The following CD22 variants were observed in gnomAD, a reference collection of about 807,000 sequenced individuals.
The protein encoded by CD22 is B-cell receptor CD22.
CD22 carries 51 observed loss-of-function variants against 94.7 expected under a neutral mutation model. The ratio of observed to expected loss-of-function variants is 0.54; its 90% CI spans 0.43 to 0.68. CD22 has a LOEUF of 0.68. Among genes scored for constraint, CD22 ranks in the 30% least tolerant of loss-of-function variants. The probability of loss-of-function intolerance (pLI) is 0.00; values close to 1 mark genes in which losing one functional copy is unlikely to be tolerated. For missense variants in CD22, 931 were observed against 1,060.4 expected (o/e 0.88, Z 1.69); for synonymous variants, 424 against 422.5 (o/e 1.00, Z -0.04).
rs528883783 is a variant in CD22 at position 35,341,636 on chromosome 19, G to A, written c.1771+30G>A. On this transcript the variant is annotated intron_variant, in intron 8 of 13. Transcript: ENST00000085219. The surrounding 1 kb of genome is among the most constrained non-coding windows in gnomAD (Gnocchi z 4.0). ...GTGAGGGCCGGAGGCTGGGAGTGGA[G>A]CAGAGAAGGGACCAGTGGCCTGCCT... 1.9e-6 allele frequency: 3 copies of A among 1,607,654 alleles called. No homozygotes were observed. Among genetic ancestry groups the A allele is most frequent in the Non-Finnish European group, 8.5e-7 (1 of 1,175,554 alleles).
intron 9 of CD22, among the ~76,000 whole-genome samples, chr19:35,343,012 G>A (rs1019707742): frequency 9.2e-5 from 14 of 151,672 alleles, no homozygotes; most frequent in Admixed American, 3.9e-4. Context: ...TGGTTTCACC[G>A]TGGTCTCAGT....
intron 6 of CD22, 23 bp downstream of exon 6, chr19:35,338,454 G>T (rs1160391066): frequency 6.3e-7 from 1 of 1,599,340 alleles, no homozygotes; most frequent in South Asian, 1.1e-5. Flanking sequence ...GGAGCCTCTG[G>T]TTCTAGGGAG....
chr19:35,345,643 A>T lies in CD22; in HGVS notation c.2250A>T (p.Gly750=). Residue 750 remains glycine, a synonymous_variant, in exon 12 of 14, where the codon GGA becomes GGT. Transcript: ENST00000085219. The part of the protein sequence containing the change: ...APLSEGPHSL[G]CYNPMMEDGI... ...TCTCTGAAGGCCCCCACTCCCTGGG[A>T]TGCTACAATCCAATGATGGAAGATG... 6.2e-7 allele frequency: 1 copy of T among 1,613,692 alleles called. No homozygotes were observed. Among genetic ancestry groups the T allele is most frequent in the Non-Finnish European group, 8.5e-7 (1 of 1,179,742 alleles).
chr19:35,343,996 C>T (rs1384632621), intron 9 of CD22, among the ~76,000 whole-genome samples: 1 of 152,076 alleles, frequency 6.6e-6, no homozygotes, highest in Non-Finnish European at 1.5e-5. Flanking sequence ...CCAGGAGTTC[C>T]AGACCAGCCT....
intron 2 of CD22, 44 bp from the exon 3 acceptor site, chr19:35,332,503 G>C (rs2066659160): frequency 6.6e-7 from 1 of 1,504,802 alleles, no homozygotes; most frequent in Admixed American, 2.3e-5. Context: ...TTAAAAGAAG[G>C]CTCTCATGCC....
Position 35,344,958 on chromosome 19 carries a change from A to G in CD22, c.2132+33A>G, listed in dbSNP as rs375186603. The G allele has an allele frequency of 2.5e-5, 40 of 1,593,408 alleles. No individual in the cohort carries two copies. The African/African-American group carries it at 3.8e-4, about 15-fold the overall frequency. On this transcript the variant is annotated intron_variant, in intron 10 of 13. Transcript: ENST00000085219. ...CCTGCCATCCCCCACCACCTCCTCTATCCCTTGGCAGAGGCCCGTGTCCAG... is the reference window on the plus strand; with the variant it reads ...CCTGCCATCCCCCACCACCTCCTCTGTCCCTTGGCAGAGGCCCGTGTCCAG...
At chr19:35,334,645 G>C (rs1286963928) in intron 3 of CD22, among the ~76,000 whole-genome samples, 1 of 152,200 alleles carries the variant, frequency 6.6e-6, no homozygotes, top group Non-Finnish European at 1.5e-5. Flanking sequence ...GGGGAGAGCT[G>C]AGGCTGGGTG....
chr19:35,345,834 T>C, intron 12 of CD22, 114 bp downstream of exon 12: 1 of 772,280 alleles, frequency 1.3e-6, no homozygotes, highest in South Asian at 1.6e-5. Context: ...TGATACATGC[T>C]CTGCCTCATT....
At chr19:35,340,193 A>G (rs1304187637) in intron 6 of CD22, among the ~76,000 whole-genome samples, 7 of 152,154 alleles carry the variant, frequency 4.6e-5, no homozygotes, top group Non-Finnish European at 8.8e-5. Flanking sequence ...GCCACACGCC[A>G]CACTCTGCTC....
chr19:35,346,425 G>A (rs935397616), intron 13 of CD22, 141 bp from the exon 14 acceptor site: 49 of 1,251,460 alleles, frequency 3.9e-5, no homozygotes, highest in African/African-American at 9.0e-5. Flanking sequence ...CCTGGATGCC[G>A]GCCACAGCCA....
At chr19:35,334,042 G>A (rs979168485) in intron 3 of CD22, among the ~76,000 whole-genome samples, 3 of 152,206 alleles carry the variant, frequency 2.0e-5, no homozygotes, top group Non-Finnish European at 4.4e-5. Flanking sequence ...TAGAAGCTGA[G>A]ATAGGATTAT....
At chr19:35,342,110 CCTT>C (rs200495704) in intron 9 of CD22, 145 bp downstream of exon 9, 57 of 664,528 alleles carry the variant, frequency 8.6e-5, no homozygotes, top group Middle Eastern at 3.6e-4. Context: ...TCCTCTTCCT[CCTT>C]CTTCTTCTTC....
chr19:35,346,800 GCACACACACACACACACGCA>G lies in CD22; in HGVS notation c.*121_*140del, dbSNP rs1185154907. The G allele has an allele frequency of 2.2e-6, 2 of 907,854 alleles. No homozygotes were observed. The highest frequency in any genetic ancestry group is 1.8e-5 in the South Asian group (1 of 55,810). The allele number at this position is 907,854 out of a possible 1,614,324, so 56.2% of individuals were successfully genotyped here. ...ATGGCTTCCTCCTGCGCGCATGTGC[GCACACACACACACACACGCA>G]CACACACACACACACACTCACTGCG... On this transcript the variant is annotated 3_prime_UTR_variant, in exon 14 of 14. Coordinates refer to ENST00000085219, the MANE Select transcript of CD22 (RefSeq NM_001771.4).
rs146401791 is a variant in CD22 at position 35,345,409 on chromosome 19, A to T, written c.2209-193A>T. 7.8e-3 allele frequency: 3,703 copies of T among 476,634 alleles called. 26 individuals carry two copies. The highest frequency in any genetic ancestry group is 0.011 in the Non-Finnish European group (2,908 of 273,376). 29.5% of individuals were successfully genotyped at this position (476,634 alleles called of 1,614,324 possible). ...GCACTCCAGCCTGGGTGACATACTG[A>T]GACTCTGCCTCAAAAAAAAAAAAAA... On this transcript the variant is annotated intron_variant, in intron 11 of 13. Transcript: ENST00000085219.
At position 35,345,703 on chromosome 19, in the gene CD22, G is replaced by A. The variant is rs761215587; in HGVS notation, c.2310G>A (p.Met770Ile). 5 of 1,611,662 alleles carry A rather than the reference G, an allele frequency of 3.1e-6. No homozygotes were observed. The highest frequency in any genetic ancestry group is 4.2e-6 in the Non-Finnish European group (5 of 1,177,708). The change falls in exon 12 of 14, where the codon ATG becomes ATA. Residue 770 changes from methionine to isoleucine, a missense_variant. Transcript: ENST00000085219. ...ISYTTLRFPE[M>I]NIPRTGDAES... The stretch of plus-strand genomic sequence containing the variant: ...ACACCACCCTGCGCTTTCCCGAGAT[G>A]AACATACCACGAACTGGGTACTGAG...
Position 35,337,907 on chromosome 19 carries a change from A to G in CD22, c.871A>G (p.Thr291Ala). 6.2e-7 allele frequency: 1 copy of G among 1,614,234 alleles called. No individual in the cohort carries two copies. Among genetic ancestry groups the G allele is most frequent in the Non-Finnish European group, 8.5e-7 (1 of 1,180,044 alleles). The change falls in exon 5 of 14, where the codon ACA (threonine) becomes GCA (alanine). Residue 291 changes from threonine (T) to alanine (A), a missense_variant. Thr to Ala is a moderately conservative substitution (Grantham distance 58). Transcript: ENST00000085219. The surrounding 1 kb of genome is among the most constrained non-coding windows in gnomAD (Gnocchi z 4.4). ...KDGTSLKKQNTFTLNLREVTK... is the reference protein window; with the variant it reads ...KDGTSLKKQNAFTLNLREVTK... Reference sequence around the variant, plus strand: ...TGGGACCTCGCTGAAGAAGCAGAATACATTCACGCTAAACCTGCGCGAAGT... The same window carrying G: ...TGGGACCTCGCTGAAGAAGCAGAATGCATTCACGCTAAACCTGCGCGAAGT...
At position 35,337,283 on chromosome 19, in the gene CD22, G is replaced by A. The variant is rs1436612586; in HGVS notation, c.719-472G>A. On this transcript the variant is annotated intron_variant, in intron 4 of 13. Transcript: ENST00000085219. The surrounding 1 kb of genome is among the most constrained non-coding windows in gnomAD (Gnocchi z 4.4). ...GGTGAGCACTTAAGCTGACTGGAAC[G>A]GAGGGAGTGGCTGAGGCCGGCACAT... 2.6e-5 allele frequency among the ~76,000 whole-genome samples: 4 copies of A among 152,140 alleles called. No individual in the cohort carries two copies. The highest frequency in any genetic ancestry group is 6.6e-5 in the Admixed American group (1 of 15,262).
chr19:35,336,379 CT>C (rs2066724634), intron 4 of CD22, 38 bp downstream of exon 4: 1 of 1,591,906 alleles, frequency 6.3e-7, no homozygotes, highest in East Asian at 2.2e-5. Flanking sequence ...AGGGCAAGGT[CT>C]GTGTCACCTT....
chr19:35,336,168 C>T lies in CD22; in HGVS notation c.545C>T (p.Pro182Leu). ...IQLQWLLEGVPMRQAAVTSTS... is the reference protein window; with the variant it reads ...IQLQWLLEGVLMRQAAVTSTS... ...TTGCAGTGGCTCCTAGAGGGGGTTC[C>T]AATGAGGCAGGCTGCTGTCACCTCG... The change falls in exon 4 of 14, where the codon CCA becomes CTA. Residue 182 changes from proline (P) to leucine (L), a missense_variant. Coordinates refer to ENST00000085219, the MANE Select transcript of CD22 (RefSeq NM_001771.4). 1 of 1,614,202 alleles carries T rather than the reference C, an allele frequency of 6.2e-7. No individual in the cohort carries two copies. Among genetic ancestry groups the T allele is most frequent in the South Asian group, 1.1e-5 (1 of 91,082 alleles).
Sources: gnomAD v4.1 joint callset for allele counts (sites outside exome capture counted in the v4.1 genomes callset) on GRCh38, gnomAD v4.1.1 for gene constraint, Gnocchi (gnomAD v3.1) non-coding constraint, MANE v1.5 for transcripts, NCBI Gene and HGNC (gene_info 2026-07-23, HGNC 2026-07-21) for gene names.